The following SPOPL variants were observed in gnomAD, a reference collection of about 807,000 sequenced individuals.
The protein encoded by SPOPL is speckle-type POZ protein-like.
SPOPL carries 23 observed loss-of-function variants against 53.8 expected under a neutral mutation model. The ratio of observed to expected loss-of-function variants is 0.43; its 90% CI spans 0.31 to 0.61. The LOEUF (loss-of-function observed/expected upper bound fraction) is 0.61. SPOPL is among the 20% of genes least tolerant of loss of function. SPOPL has a pLI of 0.12. For synonymous variants in SPOPL, 164 were observed against 149.7 expected, an observed-to-expected ratio of 1.10 and a Z score of -0.70; for missense variants, 442 against 466.9, an observed-to-expected ratio of 0.95 and a Z score of 0.49.
chr2:138,565,676 C>G (rs949371403), intron 10 of SPOPL, among the ~76,000 whole-genome samples: 1 of 151,746 alleles, frequency 6.6e-6, no homozygotes, highest in African/African-American at 2.4e-5. Context: ...TTAGTTTTGC[C>G]TATAAACCCT....
chr2:138,548,377 A>G (rs1399448915), intron 1 of SPOPL, among the ~76,000 whole-genome samples: 15 of 151,876 alleles, frequency 9.9e-5, no homozygotes, highest in Admixed American at 6.6e-4. Context: ...GACATCAAAT[A>G]ACACCATCTG....
intron 1 of SPOPL, among the ~76,000 whole-genome samples, chr2:138,545,104 G>C (rs2104886741): frequency 6.6e-6 from 1 of 152,222 alleles, no homozygotes; most frequent in East Asian, 1.9e-4. Flanking sequence ...CCAGAATGCT[G>C]TCCCCTACCT....
intron 1 of SPOPL, among the ~76,000 whole-genome samples, chr2:138,534,516 G>GACAACTTTGATTAC (rs941681796): frequency 2.6e-5 from 4 of 152,108 alleles, no homozygotes; most frequent in African/African-American, 9.7e-5. Flanking sequence ...GAAACAAAGG[G>GACAACTTTGATTAC]ACAACTTTGA....
chr2:138,556,916 G>T (rs147403804), intron 5 of SPOPL, among the ~76,000 whole-genome samples: 4 of 152,298 alleles, frequency 2.6e-5, no homozygotes, highest in Non-Finnish European at 2.9e-5. Context: ...CAGCACTTTG[G>T]GAGGCTGAGG....
chr2:138,534,539 C>T (rs902236419), intron 1 of SPOPL, among the ~76,000 whole-genome samples: 1 of 152,070 alleles, frequency 6.6e-6, no homozygotes, highest in African/African-American at 2.4e-5. Context: ...ACTTTTTAAT[C>T]ACAAAAGAAA....
intron 1 of SPOPL, among the ~76,000 whole-genome samples, chr2:138,513,283 G>A (rs1393029294): frequency 2.0e-5 from 3 of 152,220 alleles, no homozygotes; most frequent in Non-Finnish European, 4.4e-5. Context: ...GCCGGGCATA[G>A]TGGCCCACGC....
intron 1 of SPOPL, among the ~76,000 whole-genome samples, chr2:138,538,609 C>T (rs1398552221): frequency 6.6e-6 from 1 of 152,094 alleles, no homozygotes; most frequent in African/African-American, 2.4e-5. Context: ...AAATATTCTT[C>T]CAGTCTTTTC....
intron 1 of SPOPL, among the ~76,000 whole-genome samples, chr2:138,522,763 A>G (rs1684585825): frequency 6.6e-6 from 1 of 152,182 alleles, no homozygotes; most frequent in Non-Finnish European, 1.5e-5. Context: ...TTTCTATTTC[A>G]GAGACGAGCC....
chr2:138,508,939 A>G (rs1684271147), intron 1 of SPOPL, among the ~76,000 whole-genome samples: 1 of 152,132 alleles, frequency 6.6e-6, no homozygotes, highest in African/African-American at 2.4e-5. Flanking sequence ...TATGTTGAAC[A>G]TAACTATAGC....
intron 1 of SPOPL, among the ~76,000 whole-genome samples, chr2:138,510,208 A>G (rs949159195): frequency 3.9e-5 from 6 of 152,202 alleles, no homozygotes; most frequent in Non-Finnish European, 8.8e-5. Flanking sequence ...TTGTGTAGAC[A>G]TAAGTTTTCA....
rs1685724814 is a variant in SPOPL at position 138,569,024 on chromosome 2, G to A, written c.1123G>A (p.Ala375Thr). ...AGTAGCAGAAGCCTTTCGAGCACTA[G>A]CATCTGCACAGTGTCCACAGTTTGG... ...HLVAEAFRAL[A>T]SAQCPQFGIP... The change falls in exon 11 of 11, where the codon GCA (alanine) becomes ACA (threonine). Residue 375 changes from alanine to threonine, a missense_variant. By Grantham distance (58) the Ala-to-Thr change is moderately conservative. Transcript: ENST00000280098. 6 of 1,613,926 alleles carry A rather than the reference G, an allele frequency of 3.7e-6. No homozygotes were observed. The highest frequency in any genetic ancestry group is 3.3e-5 in the South Asian group (3 of 91,086).
chr2:138,529,498 CTGTGTGTGTGTGTGTGTGTG>C (rs58483992), intron 1 of SPOPL, among the ~76,000 whole-genome samples: 4 of 147,582 alleles, frequency 2.7e-5, no homozygotes, highest in Non-Finnish European at 6.0e-5. Context: ...ATGCATGTGC[CTGTGTGTGTGTGTGTGTGTG>C]TGTGTGTGTG....
At chr2:138,515,553 G>A (rs1684419632) in intron 1 of SPOPL, among the ~76,000 whole-genome samples, 1 of 152,152 alleles carries the variant, frequency 6.6e-6, no homozygotes, top group African/African-American at 2.4e-5. Flanking sequence ...GTGTTGCTAA[G>A]CTGTATTTTT....
rs1164036013 is a variant in SPOPL at position 138,518,066 on chromosome 2, GAAAA to G, written c.-61+15948_-61+15951del. Among the ~76,000 whole-genome samples the G allele has an allele frequency of 6.9e-5, 9 of 130,948 alleles. No homozygotes were observed. In the South Asian group the frequency reaches 1.9e-3, roughly 28 times the overall value. The allele number at this position is 130,948 out of a possible 152,430, so 85.9% of individuals were successfully genotyped here. On this transcript the variant is annotated intron_variant, in intron 1 of 10. Transcript: ENST00000280098. ...TGTCTCAAAAAAAAAAAAAAAAAAA[GAAAA>G]GGAAAAAGAAATTCTGACTTGGTAA...
chr2:138,568,922 AT>A lies in SPOPL; in HGVS notation c.1035-12del, dbSNP rs1685721750. On this transcript the variant is annotated splice_polypyrimidine_tract_variant and intron_variant, in intron 10 of 10. Coordinates refer to ENST00000280098, the MANE Select transcript of SPOPL (RefSeq NM_001001664.3). ...AGTATTCTTTAGTAAATATCTTTTA[AT>A]TCTATTTTTCAGCCAAGCAACCGAC... is the stretch of plus-strand genomic sequence containing the variant. 6.2e-7 allele frequency: 1 copy of A among 1,613,128 alleles called. No individual in the cohort carries two copies. Among genetic ancestry groups the A allele is most frequent in the African/African-American group, 1.3e-5 (1 of 74,902 alleles).
intron 1 of SPOPL, among the ~76,000 whole-genome samples, chr2:138,528,081 C>T (rs1001207816): frequency 3.3e-5 from 5 of 152,152 alleles, no homozygotes; most frequent in African/African-American, 9.7e-5. Flanking sequence ...AACCTGTATC[C>T]TGTTTGTCTC....
chr2:138,568,884 G>T lies in SPOPL; in HGVS notation c.1035-52G>T, dbSNP rs536541435. The stretch of plus-strand genomic sequence containing the variant: ...TTTTTAAGAAATTAACAGTGCAATA[G>T]TGCATTTTGAAAAGTATTCTTTAGT... On this transcript the variant is annotated intron_variant, in intron 10 of 10. Transcript: ENST00000280098. 1.3e-5 allele frequency: 21 copies of T among 1,593,914 alleles called. No homozygotes were observed. In the South Asian group the frequency reaches 2.3e-4, roughly 18 times the overall value.
rs994759889 is a variant in SPOPL, at chr2:138,572,220, A to G, written c.*3140A>G. The G allele has an allele frequency of 1.3e-5, 2 of 152,588 alleles. No individual in the cohort carries two copies. Among genetic ancestry groups the G allele is most frequent in the African/African-American group, 4.8e-5 (2 of 41,438 alleles). 9.5% of individuals were successfully genotyped at this position (152,588 alleles called of 1,614,324 possible). On this transcript the variant is annotated 3_prime_UTR_variant, in exon 11 of 11. Transcript: ENST00000280098. Reference sequence around the variant, plus strand: ...ATGATAATTTTCAAAAATGTGATCAATTTACTGCATGATGAAATGTGAAAA... The same window carrying G: ...ATGATAATTTTCAAAAATGTGATCAGTTTACTGCATGATGAAATGTGAAAA...
At chr2:138,557,144 A>G (rs1375972910) in intron 5 of SPOPL, among the ~76,000 whole-genome samples, 1 of 152,080 alleles carries the variant, frequency 6.6e-6, no homozygotes, top group Non-Finnish European at 1.5e-5. Context: ...CGACAGAGCA[A>G]GACTCCGTCT....
Sources: allele counts gnomAD v4.1 joint callset (sites outside exome capture counted in the v4.1 genomes callset), GRCh38; gene constraint gnomAD v4.1.1; transcripts MANE v1.5; gene names NCBI Gene and HGNC (gene_info 2026-07-23, HGNC 2026-07-21).